ADA2: variants seen among roughly 807,000 people sequenced by gnomAD.
The protein encoded by ADA2 is adenosine deaminase CECR1.
In ADA2, 29 loss-of-function variants were observed where a neutral mutation model predicts 44.2. The observed-to-expected ratio is 0.66, with a 90% CI of 0.49 to 0.89. ADA2 has a LOEUF of 0.89. Ranked by LOEUF, ADA2 falls within the 40% of genes least tolerant of loss-of-function variation. The probability of loss-of-function intolerance (pLI) is 0.00; values close to 1 mark genes in which losing one functional copy is unlikely to be tolerated. For synonymous variants in ADA2, 215 were observed against 234.9 expected (o/e 0.92, Z 0.77); for missense variants, 637 against 644.8 (o/e 0.99, Z 0.13).
chr22:17,183,419 C>T (rs1198159205), intron 7 of ADA2, among the ~76,000 whole-genome samples: 1 of 151,152 alleles, frequency 6.6e-6, no homozygotes, highest in African/African-American at 2.4e-5. Context: ...CTCTCTGACC[C>T]CACAGTCCGC....
chr22:17,183,955 CTTT>C (rs33921509), intron 7 of ADA2, among the ~76,000 whole-genome samples: 1 of 79,778 alleles, frequency 1.3e-5, no homozygotes. Context: ...TCACACCTTT[CTTT>C]TTTTTTTTTT....
At position 17,181,914 on chromosome 22, in the gene ADA2, C is replaced by A. The variant is rs1206824905; in HGVS notation, c.1348G>T (p.Gly450Cys). 27 of 1,614,182 alleles carry A rather than the reference C, an allele frequency of 1.7e-5. No individual in the cohort carries two copies. The highest frequency in any genetic ancestry group is 2.3e-5 in the Non-Finnish European group (27 of 1,180,018). Residue 450 changes from glycine (G) to cysteine (C), a missense_variant, in exon 9 of 10, where the codon GGC (glycine) becomes TGC (cysteine). Physicochemically the swap from Gly to Cys is radical, Grantham distance 159 (BLOSUM62 -3). Transcript: ENST00000399837. ...SDDPAMFGAK[G>C]LSYDFYEVFM... The stretch of plus-strand genomic sequence containing the variant: ...ACCTCATAGAAATCATAGGACAAGC[C>A]TTTGGCACCAAACATAGCTGGGTCA...
At chr22:17,207,717 A>G (rs1170857174) in intron 2 of ADA2, among the ~76,000 whole-genome samples, 3 of 152,050 alleles carry the variant, frequency 2.0e-5, no homozygotes, top group Non-Finnish European at 2.9e-5. Context: ...TAGCTCTCCA[A>G]TGGGAGCCCA....
intron 9 of ADA2, 43 bp downstream of exon 9, chr22:17,181,777 G>T (rs369431884): frequency 1.1e-4 from 169 of 1,534,102 alleles, no homozygotes; most frequent in Non-Finnish European, 1.5e-4. Context: ...CAAGCTGCGG[G>T]CTGGAAGGAG....
chr22:17,217,433 A>T (rs1474011737), intron 1 of ADA2, among the ~76,000 whole-genome samples: 2 of 152,192 alleles, frequency 1.3e-5, no homozygotes, highest in Non-Finnish European at 2.9e-5. Context: ...CAGCCAGTTC[A>T]GGGTGGCAAC....
chr22:17,207,595 A>G (rs1449750343), intron 2 of ADA2, among the ~76,000 whole-genome samples: 1 of 152,094 alleles, frequency 6.6e-6, no homozygotes, highest in East Asian at 1.9e-4. Flanking sequence ...TCCATGTCTC[A>G]CTAATCAGGA....
chr22:17,178,970 T>C lies in ADA2; in HGVS notation c.*2513A>G, dbSNP rs1303022187. ...GACAGGACCCTAGAGGTTGTCTTCT[T>C]CCATCCAGGCACAGCTTATGGTTGC... is the stretch of plus-strand genomic sequence containing the variant. On this transcript the variant is annotated 3_prime_UTR_variant, in exon 10 of 10. Transcript: ENST00000399837. The C allele has an allele frequency of 6.6e-6, 1 of 152,136 alleles. No homozygotes were observed. The allele number at this position is 152,136 out of a possible 1,614,324, so 9.4% of individuals were successfully genotyped here.
chr22:17,183,953 T>TCC (rs2062004449), intron 7 of ADA2, among the ~76,000 whole-genome samples: 1 of 86,940 alleles, frequency 1.2e-5, no homozygotes, highest in Non-Finnish European at 2.2e-5. Flanking sequence ...CATCACACCT[T>TCC]TCTTTTTTTT....
chr22:17,203,173 G>T (rs184661339), intron 4 of ADA2, among the ~76,000 whole-genome samples: 19 of 152,246 alleles, frequency 1.2e-4, no homozygotes, highest in Admixed American at 3.3e-4. Context: ...TCCCATGGAC[G>T]ATTATGCATC....
upstream of ADA2, among the ~76,000 whole-genome samples, chr22:17,220,983 A>G (rs905711848): frequency 9.2e-5 from 14 of 151,954 alleles, no homozygotes; most frequent in Non-Finnish European, 1.6e-4. Flanking sequence ...ACCAGCCCCT[A>G]CTAAAATACA....
chr22:17,199,949 C>T (rs917614476), intron 4 of ADA2, among the ~76,000 whole-genome samples: 1 of 152,092 alleles, frequency 6.6e-6, no homozygotes, highest in Non-Finnish European at 1.5e-5. Flanking sequence ...AATCCCAGCA[C>T]TTTGGGATGC....
intron 1 of ADA2, among the ~76,000 whole-genome samples, chr22:17,212,819 G>C (rs1173378623): frequency 2.0e-5 from 3 of 146,376 alleles, no homozygotes; most frequent in Admixed American, 1.4e-4. Flanking sequence ...TTACTCTGTT[G>C]CCCAGGCTGG....
At chr22:17,182,141 G>T in intron 8 of ADA2, 119 bp from the exon 9 acceptor site, 1 of 751,398 alleles carries the variant, frequency 1.3e-6, no homozygotes, top group Non-Finnish European at 2.2e-6. Flanking sequence ...TATCTCCCCA[G>T]TATGGGGATG....
intron 1 of ADA2, among the ~76,000 whole-genome samples, chr22:17,211,062 AT>A (rs1221469016): frequency 1.3e-5 from 2 of 151,932 alleles, no homozygotes; most frequent in African/African-American, 2.4e-5. Context: ...ATATTTTTTT[AT>A]TAAAAAATAA....
chr22:17,203,520 G>C, intron 4 of ADA2, 43 bp downstream of exon 4: 1 of 1,507,452 alleles, frequency 6.6e-7, no homozygotes, highest in Non-Finnish European at 9.2e-7. Context: ...AGTCAGGCCA[G>C]AGCAAAGGAG....
Position 17,188,868 on chromosome 22 carries a change from A to AAAAAAAAATATATATATATATATATATAT in ADA2, c.973-422_973-421insATATATATATATATATATATATTTTTTTT. 3.6e-4 allele frequency: 29 copies of AAAAAAAAATATATATATATATATATATAT among 81,168 alleles called. 2 individuals carry two copies. Among genetic ancestry groups the AAAAAAAAATATATATATATATATATATAT allele is most frequent in the Non-Finnish European group, 6.0e-4 (22 of 36,824 alleles). 5.0% of individuals were successfully genotyped at this position (81,168 alleles called of 1,614,324 possible). ...CACTACAGCCTGGCCAAGAGCAAAA[A>AAAAAAAAATATATATATATATATATATAT]ATATATATATATATATATTTTGTAA... On this transcript the variant is annotated intron_variant, in intron 6 of 9. Transcript: ENST00000399837.
chr22:17,212,102 G>A (rs912844454), intron 1 of ADA2, among the ~76,000 whole-genome samples: 2 of 151,576 alleles, frequency 1.3e-5, no homozygotes, highest in Non-Finnish European at 2.9e-5. Context: ...TCGGCTCACC[G>A]TAACCTCCTC....
chr22:17,186,110 A>G (rs1315660593), intron 7 of ADA2, among the ~76,000 whole-genome samples: 1 of 152,192 alleles, frequency 6.6e-6, no homozygotes, highest in Non-Finnish European at 1.5e-5. Context: ...GGGGCAGGGC[A>G]GGGTTTCCTC....
At chr22:17,184,983 AATATATATATATAT>A (rs374170344) in intron 7 of ADA2, among the ~76,000 whole-genome samples, 2 of 78,744 alleles carry the variant, frequency 2.5e-5, no homozygotes, top group Admixed American at 1.1e-4. Context: ...CCCATGTCAA[AATATATATATATAT>A]ATATATATAT....
Sources: gnomAD v4.1 joint callset for allele counts (sites outside exome capture counted in the v4.1 genomes callset) on GRCh38, gnomAD v4.1.1 for gene constraint, MANE v1.5 for transcripts, NCBI Gene and HGNC (gene_info 2026-07-23, HGNC 2026-07-21) for gene names.